Variants in IL2RA observed in about 807,000 individuals in gnomAD.
IL2RA encodes the protein interleukin-2 receptor subunit alpha.
In IL2RA, 24 loss-of-function variants were observed where a neutral mutation model predicts 37.8. The observed-to-expected ratio is 0.63, with a 90% CI of 0.46 to 0.89. The LOEUF is 0.89. IL2RA is among the 40% of genes least tolerant of loss of function. The pLI, the probability that IL2RA is intolerant of heterozygous loss-of-function variation, is 0.00. For synonymous variants in IL2RA, 125 were observed against 114.6 expected, an observed-to-expected ratio of 1.09 and a Z score of -0.58; for missense variants, 319 against 348.6, an observed-to-expected ratio of 0.92 and a Z score of 0.68.
At position 6,021,637 on chromosome 10, in the gene IL2RA, A is replaced by G. The variant is rs1839389327; in HGVS notation, c.424T>C (p.Phe142Leu). Reference sequence around the variant, plus strand: ...TAATAAACCATCTGCCCCACCACGAAATGATAAATTCTCTCTGTGGCTTCA... The same window carrying G: ...TAATAAACCATCTGCCCCACCACGAGATGATAAATTCTCTCTGTGGCTTCA... ...ENEATERIYH[F>L]VVGQMVYYQC... The change falls in exon 4 of 8, where the codon TTC becomes CTC. Residue 142 changes from phenylalanine to leucine, a missense_variant. Transcript: ENST00000379959. This position sits in a 1 kb window ranked among gnomAD's most constrained non-coding sequence, Gnocchi z 4.9. The G allele has an allele frequency of 6.2e-7, 1 of 1,613,942 alleles. No individual in the cohort carries two copies. Among genetic ancestry groups the G allele is most frequent in the African/African-American group, 1.3e-5 (1 of 74,866 alleles).
Position 6,044,020 on chromosome 10 carries a change from C to T in IL2RA, c.65-17995G>A, listed in dbSNP as rs549975273. 2.6e-5 allele frequency among the ~76,000 whole-genome samples: 4 copies of T among 152,276 alleles called. No homozygotes were observed. Among genetic ancestry groups the T allele is most frequent in the Non-Finnish European group, 4.4e-5 (3 of 68,030 alleles). ...GTGGAACTTTATCAGAGAAAGAAAC[C>T]CCCCTCTCCCCAAACTCAGTGGCAA... is the stretch of plus-strand genomic sequence containing the variant. On this transcript the variant is annotated intron_variant, in intron 1 of 7. Coordinates refer to ENST00000379959, the MANE Select transcript of IL2RA (RefSeq NM_000417.3). The surrounding 1 kb of genome is among the most constrained non-coding windows in gnomAD (Gnocchi z 4.5).
At chr10:6,013,902 G>A (rs1363508022) in intron 7 of IL2RA, among the ~76,000 whole-genome samples, 2 of 146,930 alleles carry the variant, frequency 1.4e-5, no homozygotes, top group Admixed American at 6.9e-5. Context: ...CATGGTCACA[G>A]CTCACTGCAA....
rs1839476725 is a variant in IL2RA at position 6,025,924 on chromosome 10, G to A, written c.166C>T (p.Arg56Cys). The change falls in exon 2 of 8, where the codon CGC becomes TGC. Residue 56 changes from arginine (R) to cysteine (C), a missense_variant. Transcript: ENST00000379959. The surrounding 1 kb of genome is among the most constrained non-coding windows in gnomAD (Gnocchi z 4.4). ...MLNCECKRGF[R>C]RIKSGSLYML... The stretch of plus-strand genomic sequence containing the variant: ...TAGAGTGACCCGCTTTTTATTCTGC[G>A]GAAACCTCTCTTGCATTCACAGTTC... 10 of 1,614,096 alleles carry A rather than the reference G, an allele frequency of 6.2e-6. No homozygotes were observed. Among genetic ancestry groups the A allele is most frequent in the African/African-American group, 1.3e-5 (1 of 75,014 alleles).
intron 3 of IL2RA, 92 bp downstream of exon 3, chr10:6,024,152 G>T: frequency 2.4e-6 from 2 of 837,240 alleles, no homozygotes; most frequent in East Asian, 2.5e-5. Context: ...ATAGAAGGCA[G>T]GGCAGACCTT....
At position 6,056,837 on chromosome 10, in the gene IL2RA, C is replaced by T. The variant is rs1013657174; in HGVS notation, c.64+5251G>A. ...ACAGGTTCCCACTCATGTAAAACTT[C>T]TCCCATGGGAGACAAGGACATTGTT... On this transcript the variant is annotated intron_variant, in intron 1 of 7. Coordinates refer to ENST00000379959, the MANE Select transcript of IL2RA (RefSeq NM_000417.3). This position sits in a 1 kb window ranked among gnomAD's most constrained non-coding sequence, Gnocchi z 5.0. Among the ~76,000 whole-genome samples the T allele has an allele frequency of 1.3e-5, 2 of 152,168 alleles. No individual in the cohort carries two copies. The highest frequency in any genetic ancestry group is 2.9e-5 in the Non-Finnish European group (2 of 68,028).
At position 6,012,755 on chromosome 10, in the gene IL2RA, C is replaced by T. The variant is rs1012922758; in HGVS notation, c.*117G>A. On this transcript the variant is annotated 3_prime_UTR_variant, in exon 8 of 8. Transcript: ENST00000379959. This position sits in a 1 kb window ranked among gnomAD's most constrained non-coding sequence, Gnocchi z 4.8. ...GACTTCAGAGCTTCCAAAACGCAGG[C>T]AAGCACAACGGATGTCTCCTGGGCG... 1.8e-6 allele frequency: 2 copies of T among 1,090,094 alleles called. No individual in the cohort carries two copies. Among genetic ancestry groups the T allele is most frequent in the East Asian group, 2.4e-5 (1 of 42,276 alleles). The allele number at this position is 1,090,094 out of a possible 1,614,324, so 67.5% of individuals were successfully genotyped here. A position where few individuals can be genotyped will look rare whatever the true frequency, so the allele number is the denominator to read the frequency against.
In IL2RA at chr10:6,025,322, C is replaced by T. The variant is rs1283562797; in HGVS notation, c.256+512G>A. Among the ~76,000 whole-genome samples, 1 of 152,062 alleles carries T rather than the reference C, an allele frequency of 6.6e-6. No homozygotes were observed. The highest frequency in any genetic ancestry group is 1.9e-4 in the East Asian group (1 of 5,180). ...TGATCTGAGATTGTACCACCGCACC[C>T]CAGCCTGGGCAACAGAGCGAGACTG... On this transcript the variant is annotated intron_variant, in intron 2 of 7. Coordinates refer to ENST00000379959, the MANE Select transcript of IL2RA (RefSeq NM_000417.3). This position sits in a 1 kb window ranked among gnomAD's most constrained non-coding sequence, Gnocchi z 4.4.
chr10:6,034,489 G>C (rs918636534), intron 1 of IL2RA, among the ~76,000 whole-genome samples: 1 of 152,014 alleles, frequency 6.6e-6, no homozygotes, highest in African/African-American at 2.4e-5. Flanking sequence ...AGCAGCAACA[G>C]AACAACATCC....
At chr10:6,026,809 G>T (rs1416090157) in intron 1 of IL2RA, among the ~76,000 whole-genome samples, 1 of 152,218 alleles carries the variant, frequency 6.6e-6, no homozygotes, top group Non-Finnish European at 1.5e-5. Context: ...ACAGGAAGAG[G>T]CAGGAAAGCA....
intron 1 of IL2RA, among the ~76,000 whole-genome samples, chr10:6,026,742 A>AT (rs1839489776): frequency 6.6e-6 from 1 of 152,152 alleles, no homozygotes; most frequent in Admixed American, 6.5e-5. Context: ...AAGAGATTAG[A>AT]TTTTGGGGGG....
chr10:6,045,586 G>T (rs1839840385), intron 1 of IL2RA, among the ~76,000 whole-genome samples: 1 of 152,120 alleles, frequency 6.6e-6, no homozygotes, highest in Non-Finnish European at 1.5e-5. Flanking sequence ...AAAGTTATCA[G>T]ATTTAAAAGG....
In IL2RA at chr10:6,022,954, C is replaced by T. The variant is rs763734121; in HGVS notation, c.368-1261G>A. Among the ~76,000 whole-genome samples the T allele has an allele frequency of 3.3e-5, 5 of 152,202 alleles. No individual in the cohort carries two copies. The highest frequency in any genetic ancestry group is 7.3e-5 in the Non-Finnish European group (5 of 68,028). On this transcript the variant is annotated intron_variant, in intron 3 of 7. Transcript: ENST00000379959. The surrounding 1 kb of genome is among the most constrained non-coding windows in gnomAD (Gnocchi z 4.7). ...TCGGAAGGGGAAGGAGTAAGAGCAT[C>T]ATGTTGCAACTGTGCCCCTAGATTA... is the stretch of plus-strand genomic sequence containing the variant.
chr10:6,051,803 G>A (rs1208969387), intron 1 of IL2RA, among the ~76,000 whole-genome samples: 1 of 28,490 alleles, frequency 3.5e-5, no homozygotes, highest in East Asian at 7.1e-4. Context: ...ACAGACGTGA[G>A]CCATCATGCC....
In IL2RA at chr10:6,046,797, C is replaced by T. The variant is rs1350960139; in HGVS notation, c.64+15291G>A. 2.6e-5 allele frequency among the ~76,000 whole-genome samples: 4 copies of T among 152,298 alleles called. No individual in the cohort carries two copies. Among genetic ancestry groups the T allele is most frequent in the African/African-American group, 9.6e-5 (4 of 41,566 alleles). On this transcript the variant is annotated intron_variant, in intron 1 of 7. Coordinates refer to ENST00000379959, the MANE Select transcript of IL2RA (RefSeq NM_000417.3). This position sits in a 1 kb window ranked among gnomAD's most constrained non-coding sequence, Gnocchi z 4.8. ...ATAGTTTCAGTGGGTGGGTTCTATT[C>T]TTTTCAACAGATACCTCAGGGTTAG... is the stretch of plus-strand genomic sequence containing the variant.
At position 6,013,832 on chromosome 10, in the gene IL2RA, ATTT is replaced by A. The variant is rs55729291; in HGVS notation, c.795-939_795-937del. On this transcript the variant is annotated intron_variant, in intron 7 of 7. Transcript: ENST00000379959. ...TTAAATTGTAAATTTAAATATTTTA[ATTT>A]TTTTTTTTTTTTTTGAGACAGCGTC... 5.9e-5 allele frequency among the ~76,000 whole-genome samples: 8 copies of A among 136,678 alleles called. No individual in the cohort carries two copies. In the South Asian group the frequency reaches 9.1e-4, roughly 16 times the overall value. 89.7% of individuals were successfully genotyped at this position (136,678 alleles called of 152,430 possible). A position where few individuals can be genotyped will look rare whatever the true frequency, so the allele number is the denominator to read the frequency against.
Position 6,019,736 on chromosome 10 carries a change from C to A in IL2RA, c.655+134G>T, listed in dbSNP as rs773666505. 3 of 904,264 alleles carry A rather than the reference C, an allele frequency of 3.3e-6. No homozygotes were observed. In the Admixed American group the frequency reaches 5.5e-5, roughly 17 times the overall value. 56.0% of individuals were successfully genotyped at this position (904,264 alleles called of 1,614,324 possible). ...GCAGGTTGCTGAGGCCCTGTCCCTG[C>A]TCAGAGGGAGAGGAGGCTGCTGTGG... On this transcript the variant is annotated intron_variant, in intron 5 of 7. Transcript: ENST00000379959.
chr10:6,039,391 T>C (rs944882763), intron 1 of IL2RA: 2 of 152,188 alleles, frequency 1.3e-5, no homozygotes, highest in Non-Finnish European at 2.9e-5. Flanking sequence ...AAGGATAAAT[T>C]TAGAAATCTA....
At chr10:6,059,823 C>T (rs893168500) in intron 1 of IL2RA, among the ~76,000 whole-genome samples, 17 of 152,276 alleles carry the variant, frequency 1.1e-4, no homozygotes, top group Non-Finnish European at 4.4e-5. Flanking sequence ...GATAGCCCAA[C>T]GCTCCGTAGA....
Position 6,021,413 on chromosome 10 carries a change from A to T in IL2RA, c.583+65T>A. The stretch of plus-strand genomic sequence containing the variant: ...TCTTGTCCAGCAGGAGTGGTCAGGG[A>T]TTCCACTCTGGTCAGCCTGATGGAG... On this transcript the variant is annotated intron_variant, in intron 4 of 7. Transcript: ENST00000379959. This position sits in a 1 kb window ranked among gnomAD's most constrained non-coding sequence, Gnocchi z 4.9. 1 of 1,331,760 alleles carries T rather than the reference A, an allele frequency of 7.5e-7. No individual in the cohort carries two copies. Among genetic ancestry groups the T allele is most frequent in the South Asian group, 1.2e-5 (1 of 85,240 alleles). The allele number at this position is 1,331,760 out of a possible 1,614,324, so 82.5% of individuals were successfully genotyped here. A position where few individuals can be genotyped will look rare whatever the true frequency, so the allele number is the denominator to read the frequency against.
Sources: allele counts gnomAD v4.1 joint callset (sites outside exome capture counted in the v4.1 genomes callset), GRCh38; gene constraint gnomAD v4.1.1; non-coding constraint Gnocchi (gnomAD v3.1); transcripts MANE v1.5; gene names NCBI Gene and HGNC (gene_info 2026-07-23, HGNC 2026-07-21).